AGBL1: variants seen among roughly 807,000 people sequenced by gnomAD.
AGBL1 encodes cytosolic carboxypeptidase 4.
Under a neutral mutation model 118.9 loss-of-function variants are expected in AGBL1, and 130 were observed. The observed-to-expected ratio is 1.09, with a 90% CI of 0.95 to 1.26. The LOEUF (loss-of-function observed/expected upper bound fraction) is 1.26. Ranked by LOEUF, AGBL1 falls within the 50% of genes most tolerant of loss-of-function variation. AGBL1 has a pLI of 0.00. For synonymous variants in AGBL1, 555 were observed against 478.9 expected (o/e 1.16, Z -2.08); for missense variants, 1,584 against 1,298.1 (o/e 1.22, Z -3.38).
At chr15:86,998,395 A>G (rs115542987) in intron 24 of AGBL1, among the ~76,000 whole-genome samples, 1,690 of 152,250 alleles carry the variant, frequency 0.011, 32 homozygotes, top group African/African-American at 0.038. Flanking sequence ...TGAGGACTTC[A>G]ATCCAACCAG....
chr15:86,888,148 C>T (rs555912763), intron 22 of AGBL1, among the ~76,000 whole-genome samples: 2 of 151,988 alleles, frequency 1.3e-5, no homozygotes, highest in East Asian at 3.9e-4. Flanking sequence ...TCCCTGGGAC[C>T]AGCAGGGAAA....
In AGBL1 at chr15:86,154,510, G is replaced by A; in HGVS notation, c.343G>A (p.Gly115Ser). The A allele has an allele frequency of 6.2e-7, 1 of 1,613,232 alleles. No homozygotes were observed. Among genetic ancestry groups the A allele is most frequent in the Non-Finnish European group, 8.5e-7 (1 of 1,179,596 alleles). Reference protein sequence around the residue: ...LILARKNLSHGQNLLHCLWAL... With the variant: ...LILARKNLSHSQNLLHCLWAL... ...TCTGGCCAGGAAGAACCTATCCCAT[G>A]GCCAGAATCTCCTCCACTGTCTCTG... Residue 115 changes from glycine (G) to serine (S), a missense_variant, in exon 4 of 23, where the codon GGC (glycine) becomes AGC (serine). Gly to Ser is a moderately conservative substitution (Grantham distance 56, BLOSUM62 0). Coordinates refer to ENST00000614907, the MANE Select transcript of AGBL1 (RefSeq NM_001386094.1).
rs533440964 is a variant in AGBL1, at chr15:86,214,019, A to G, written c.489-10895A>G. 2.0e-5 allele frequency among the ~76,000 whole-genome samples: 3 copies of G among 152,238 alleles called. No individual in the cohort carries two copies. In the South Asian group the frequency reaches 6.2e-4, roughly 32 times the overall value. The stretch of plus-strand genomic sequence containing the variant: ...ATGTAAGTGGAATGAATTGCACAAT[A>G]TTTGTCTTTGTATGAATGACAACGT... On this transcript the variant is annotated intron_variant, in intron 5 of 22. Transcript: ENST00000614907.
intron 22 of AGBL1, among the ~76,000 whole-genome samples, chr15:86,834,118 CAAGG>C (rs2079141351): frequency 6.6e-6 from 1 of 152,116 alleles, no homozygotes; most frequent in South Asian, 2.1e-4. Flanking sequence ...ACAATGGAGA[CAAGG>C]AAGCCCTATG....
At chr15:86,737,998 T>C (rs951630213) in intron 22 of AGBL1, among the ~76,000 whole-genome samples, 4 of 151,958 alleles carry the variant, frequency 2.6e-5, no homozygotes, top group Non-Finnish European at 4.4e-5. Context: ...CATACACAGA[T>C]AAATAAATGT....
Position 86,667,236 on chromosome 15 carries a change from A to G in AGBL1, c.2995-7037A>G, listed in dbSNP as rs2085661880. Among the ~76,000 whole-genome samples the G allele has an allele frequency of 4.0e-5, 6 of 151,732 alleles. No homozygotes were observed. The South Asian group carries it at 1.3e-3, about 32-fold the overall frequency. On this transcript the variant is annotated intron_variant, in intron 21 of 22. Coordinates refer to ENST00000614907, the MANE Select transcript of AGBL1 (RefSeq NM_001386094.1). The stretch of plus-strand genomic sequence containing the variant: ...TATCTATGTATGTATGTATGTATGT[A>G]TGTATGTATGTATGTATGTATCTAT...
At chr15:86,609,793 AAGC>A (rs1386853986) in intron 21 of AGBL1, among the ~76,000 whole-genome samples, 3 of 152,194 alleles carry the variant, frequency 2.0e-5, no homozygotes, top group African/African-American at 7.2e-5. Flanking sequence ...AGGAAAAACA[AAGC>A]AAAGCAAAAC....
chr15:86,870,454 C>CAAAAAAAA lies in AGBL1; in HGVS notation c.3159-36598_3159-36591dup, dbSNP rs770556494. ...GGCAAGAAAAAAGTAAAGCATACTG[C>CAAAAAAAA]AAAAAAAAAAAAAAAAAAAAAAAAA... On this transcript the variant is annotated intron_variant, in intron 22 of 22. Coordinates refer to ENST00000614907, the MANE Select transcript of AGBL1 (RefSeq NM_001386094.1). Among the ~76,000 whole-genome samples the CAAAAAAAA allele has an allele frequency of 1.1e-3, 70 of 64,092 alleles. 7 individuals carry two copies. Among genetic ancestry groups the CAAAAAAAA allele is most frequent in the Admixed American group, 1.2e-3 (6 of 5,082 alleles). The allele number at this position is 64,092 out of a possible 152,430, so 42.0% of individuals were successfully genotyped here. A position where few individuals can be genotyped will look rare whatever the true frequency, so the allele number is the denominator to read the frequency against.
intron 1 of AGBL1, among the ~76,000 whole-genome samples, chr15:86,112,287 G>A (rs1223522061): frequency 6.6e-6 from 1 of 151,922 alleles, no homozygotes; most frequent in Non-Finnish European, 1.5e-5. Flanking sequence ...TAGAAAGGCT[G>A]ATAACGATGT....
chr15:86,429,782 G>A (rs535559854), intron 18 of AGBL1, among the ~76,000 whole-genome samples: 1 of 152,326 alleles, frequency 6.6e-6, no homozygotes, highest in Non-Finnish European at 1.5e-5. Flanking sequence ...TTGCCTTTGA[G>A]CATTGCCACT....
chr15:86,214,302 T>C lies in AGBL1; in HGVS notation c.489-10612T>C, dbSNP rs369392767. ...TGCCAGATATTTCAAGAGTGGATTA[T>C]ATCATAGGTACATTTGACTTATAAG... is the stretch of plus-strand genomic sequence containing the variant. On this transcript the variant is annotated intron_variant, in intron 5 of 22. Coordinates refer to ENST00000614907, the MANE Select transcript of AGBL1 (RefSeq NM_001386094.1). Among the ~76,000 whole-genome samples the C allele has an allele frequency of 1.5e-3, 227 of 152,352 alleles. 3 individuals carry two copies. In the South Asian group the frequency reaches 0.046, roughly 31 times the overall value.
chr15:86,309,425 A>G (rs2079887744), intron 17 of AGBL1, among the ~76,000 whole-genome samples: 1 of 152,208 alleles, frequency 6.6e-6, no homozygotes. Flanking sequence ...TGGTCTGGCT[A>G]GGACCACTAG....
At chr15:86,566,952 G>C (rs890079265) in intron 21 of AGBL1, among the ~76,000 whole-genome samples, 1 of 152,080 alleles carries the variant, frequency 6.6e-6, no homozygotes, top group Non-Finnish European at 1.5e-5. Context: ...TGGTAGACAT[G>C]GTGCTCCTCA....
chr15:86,503,427 A>G (rs1260191164), intron 18 of AGBL1, among the ~76,000 whole-genome samples: 1 of 150,530 alleles, frequency 6.6e-6, no homozygotes, highest in African/African-American at 2.4e-5. Flanking sequence ...TCTGTATTTT[A>G]TGTATTTCTC....
intron 23 of AGBL1, among the ~76,000 whole-genome samples, chr15:86,987,497 C>A (rs144353450): frequency 7.6e-4 from 115 of 152,184 alleles, no homozygotes; most frequent in African/African-American, 2.6e-3. Context: ...GCTTGACTTA[C>A]CGTACAGGCC....
chr15:86,483,988 T>G (rs1419342222), intron 18 of AGBL1, among the ~76,000 whole-genome samples: 1 of 152,082 alleles, frequency 6.6e-6, no homozygotes, highest in East Asian at 1.9e-4. Context: ...AGTTCAAGTT[T>G]GAAGGACATT....
At chr15:86,571,577 G>A (rs1399805269) in intron 21 of AGBL1, among the ~76,000 whole-genome samples, 1 of 152,152 alleles carries the variant, frequency 6.6e-6, no homozygotes, top group Non-Finnish European at 1.5e-5. Context: ...CTGCTAGGCA[G>A]GTCATCCTGA....
Position 86,154,473 on chromosome 15 carries a change from T to A in AGBL1, c.306T>A (p.Asp102Glu). 1 of 1,613,100 alleles carries A rather than the reference T, an allele frequency of 6.2e-7. No individual in the cohort carries two copies. The change falls in exon 4 of 23, where the codon GAT becomes GAA. Residue 102 changes from aspartate to glutamate, a missense_variant. Coordinates refer to ENST00000614907, the MANE Select transcript of AGBL1 (RefSeq NM_001386094.1). The part of the protein sequence containing the change: ...GRKALELEAL[D>E]VTLILARKNL... ...AGGCCCTAGAATTGGAAGCACTTGA[T>A]GTGACATTGATTCTGGCCAGGAAGA... is the stretch of plus-strand genomic sequence containing the variant.
chr15:86,799,819 G>T (rs1179425627), intron 22 of AGBL1, among the ~76,000 whole-genome samples: 2 of 152,126 alleles, frequency 1.3e-5, no homozygotes, highest in East Asian at 1.9e-4. Flanking sequence ...AAATGGTTCT[G>T]CAAGTTACTG....
Sources: gnomAD v4.1 joint callset for allele counts (sites outside exome capture counted in the v4.1 genomes callset) on GRCh38, gnomAD v4.1.1 for gene constraint, MANE v1.5 for transcripts, NCBI Gene and HGNC (gene_info 2026-07-23, HGNC 2026-07-21) for gene names.